ARHGEF18: variants seen among roughly 807,000 people sequenced by gnomAD.
The protein encoded by ARHGEF18 is Rho/Rac guanine nucleotide exchange factor 18.
A neutral mutation model predicts 155.7 loss-of-function variants in ARHGEF18; 93 were observed. The observed-to-expected ratio is 0.60, with a 90% CI of 0.50 to 0.71. The LOEUF (loss-of-function observed/expected upper bound fraction) is 0.71. Among genes scored for constraint, ARHGEF18 ranks in the 30% least tolerant of loss-of-function variants. The pLI is 0.00. For missense variants in ARHGEF18, 1,593 were observed against 1,816.1 expected, an observed-to-expected ratio of 0.88 and a Z score of 2.23; for synonymous variants, 742 against 753.1, an observed-to-expected ratio of 0.99 and a Z score of 0.24.
intron 5 of ARHGEF18, 89 bp downstream of exon 5, chr19:7,376,846 CT>C (rs1351805410): frequency 1.0e-6 from 1 of 959,150 alleles, no homozygotes. Flanking sequence ...GGGTTTCATC[CT>C]TCATCCTGGA....
At chr19:7,473,683 G>A (rs955824807), downstream of ARHGEF18, among the ~76,000 whole-genome samples, 14 of 151,344 alleles carry the variant, frequency 9.3e-5, no homozygotes, top group South Asian at 2.1e-4. Context: ...GGTGGCGGGC[G>A]CCTGTAGTCC....
intron 3 of ARHGEF18, among the ~76,000 whole-genome samples, chr19:7,373,273 AGCACATTCCATTTATCGT>A (rs1970281403): frequency 6.6e-6 from 1 of 152,222 alleles, no homozygotes; most frequent in Admixed American, 6.5e-5. Flanking sequence ...GGACAATTCA[AGCACATTCCATTTATCGT>A]GCACTTTATT....
At chr19:7,384,692 ATTTTT>A (rs369171603) in intron 10 of ARHGEF18, among the ~76,000 whole-genome samples, 1 of 141,548 alleles carries the variant, frequency 7.1e-6, no homozygotes, top group Non-Finnish European at 1.5e-5. Context: ...TTTTTGCAAA[ATTTTT>A]TTTTTTTTTT....
chr19:7,379,066 G>A (rs1165361411), intron 6 of ARHGEF18, 56 bp from the exon 7 acceptor site: 35 of 1,228,094 alleles, frequency 2.8e-5, no homozygotes, highest in Admixed American at 4.2e-5. Context: ...CTAGGGGAGA[G>A]TGTCTGTAAC....
At chr19:7,382,619 A>G (rs73923385) in intron 8 of ARHGEF18, among the ~76,000 whole-genome samples, 173 bp from the exon 9 acceptor site, 2,943 of 152,146 alleles carry the variant, frequency 0.019, 79 homozygotes, top group African/African-American at 0.066. Context: ...TGAGTGAATA[A>G]GTAAGACAGG....
intron 10 of ARHGEF18, among the ~76,000 whole-genome samples, chr19:7,407,064 C>CAAA (rs3997572): frequency 0.014 from 777 of 55,712 alleles, 9 homozygotes; most frequent in African/African-American, 0.025. Context: ...GACTCCGTCT[C>CAAA]AAAAAAAAAA....
chr19:7,435,625 T>C (rs764081415), intron 10 of ARHGEF18, among the ~76,000 whole-genome samples: 1 of 152,132 alleles, frequency 6.6e-6, no homozygotes, highest in Non-Finnish European at 1.5e-5. Context: ...GCAGACCCTT[T>C]ACTGTCTCTA....
chr19:7,453,053 G>T (rs1005257861), intron 16 of ARHGEF18, among the ~76,000 whole-genome samples: 2 of 151,900 alleles, frequency 1.3e-5, no homozygotes, highest in Admixed American at 1.3e-4. Flanking sequence ...AAAAAAAATA[G>T]CTGGGCATGG....
chr19:7,410,289 T>C (rs1357947201), intron 10 of ARHGEF18, among the ~76,000 whole-genome samples: 2 of 152,108 alleles, frequency 1.3e-5, no homozygotes, highest in Admixed American at 6.6e-5. Context: ...CCCCGGCCTC[T>C]CTCAGGTGTT....
rs1214103976 is a variant in ARHGEF18 at position 7,397,267 on chromosome 19, T to A, written c.967+14064T>A. Among the ~76,000 whole-genome samples, 3 of 150,824 alleles carry A rather than the reference T, an allele frequency of 2.0e-5. No homozygotes were observed. In the Admixed American group the frequency reaches 2.0e-4, roughly 10 times the overall value. ...AATTAGTATGTGATTTTACTTAAAATTTTTTTTTTCTTTTTAGAGACAGGG... is the reference window on the plus strand; with the variant it reads ...AATTAGTATGTGATTTTACTTAAAAATTTTTTTTTCTTTTTAGAGACAGGG... On this transcript the variant is annotated intron_variant, in intron 10 of 28. Coordinates refer to ENST00000668164, the MANE Select transcript of ARHGEF18 (RefSeq NM_001367823.1).
At chr19:7,372,485 AAAGAG>A (rs979180050) in intron 2 of ARHGEF18, among the ~76,000 whole-genome samples, 1 of 152,180 alleles carries the variant, frequency 6.6e-6, no homozygotes, top group Non-Finnish European at 1.5e-5. Flanking sequence ...AGAAAAAAAA[AAAGAG>A]AGAGAGATAA....
intron 5 of ARHGEF18, among the ~76,000 whole-genome samples, chr19:7,377,581 T>C (rs148208689): frequency 0.24 from 35,831 of 150,336 alleles, 4,417 homozygotes; most frequent in Non-Finnish European, 0.27. Context: ...CCCAGGAGTT[T>C]GAGGCCAGCC....
At chr19:7,375,398 G>GAAAGGAAGGAAGA (rs925202796) in intron 3 of ARHGEF18, among the ~76,000 whole-genome samples, 2 of 150,030 alleles carry the variant, frequency 1.3e-5, no homozygotes, top group Admixed American at 6.7e-5. Context: ...AAGGAAGGAA[G>GAAAGGAAGGAAGA]AAAGGAAGGA....
rs141762100 is a variant in ARHGEF18 at position 7,453,778 on chromosome 19, G to A, written c.2104+63G>A. ...TCTTGGATCAGTGGGCACTGTCTTGGAGTGGTGGGCACTGTCTTAGATTAG... is the reference window on the plus strand; with the variant it reads ...TCTTGGATCAGTGGGCACTGTCTTGAAGTGGTGGGCACTGTCTTAGATTAG... On this transcript the variant is annotated intron_variant, in intron 17 of 28. Transcript: ENST00000668164. The A allele has an allele frequency of 2.4e-5, 36 of 1,492,236 alleles. 1 individual carries two copies. In the East Asian group the frequency reaches 7.3e-4, roughly 30 times the overall value. The allele number at this position is 1,492,236 out of a possible 1,614,324, so 92.4% of individuals were successfully genotyped here.
chr19:7,464,001 A>G (rs1448034388), intron 22 of ARHGEF18, 46 bp downstream of exon 22: 2 of 1,526,650 alleles, frequency 1.3e-6, no homozygotes, highest in South Asian at 2.4e-5. Context: ...GCCGCCCCTC[A>G]GGATGCACAT....
intron 23 of ARHGEF18, among the ~76,000 whole-genome samples, 155 bp from the exon 24 acceptor site, chr19:7,466,763 C>T (rs1953313145): frequency 7.4e-6 from 1 of 135,424 alleles, no homozygotes; most frequent in African/African-American, 2.9e-5. Flanking sequence ...AAGATCGCGC[C>T]ACTGCACTCC....
chr19:7,385,870 TCCCCCCTCCCTCTCTCC>T (rs1971012200), intron 10 of ARHGEF18, among the ~76,000 whole-genome samples: 1 of 29,548 alleles, frequency 3.4e-5, no homozygotes, highest in African/African-American at 1.9e-4. Context: ...TCTCTCTCTC[TCCCCCCTCCCTCTCTCC>T]CTCCCTCCCT....
At position 7,456,395 on chromosome 19, in the gene ARHGEF18, G is replaced by T; in HGVS notation, c.2173G>T (p.Ala725Ser). The change falls in exon 18 of 29, where the codon GCT becomes TCT. Residue 725 changes from alanine (A) to serine (S), a missense_variant. Ala to Ser is a moderately conservative substitution (Grantham distance 99, BLOSUM62 1). Coordinates refer to ENST00000668164, the MANE Select transcript of ARHGEF18 (RefSeq NM_001367823.1). ...LQEKDQKYVFASVDSKPPVIS... is the reference protein window; with the variant it reads ...LQEKDQKYVFSSVDSKPPVIS... ...AGAAAAAGATCAGAAATACGTCTTT[G>T]CTTCTGTGGTATGTATCCTGTCTCT... 1.9e-6 allele frequency: 3 copies of T among 1,614,038 alleles called. No homozygotes were observed. Among genetic ancestry groups the T allele is most frequent in the African/African-American group, 1.3e-5 (1 of 75,042 alleles).
intron 13 of ARHGEF18, among the ~76,000 whole-genome samples, chr19:7,443,530 C>T (rs1432894403): frequency 6.6e-6 from 1 of 152,130 alleles, no homozygotes; most frequent in African/African-American, 2.4e-5. Context: ...GGCACCAGTC[C>T]CACCATGAGG....
Sources: allele counts gnomAD v4.1 joint callset (sites outside exome capture counted in the v4.1 genomes callset), GRCh38; gene constraint gnomAD v4.1.1; transcripts MANE v1.5; gene names NCBI Gene and HGNC (gene_info 2026-07-23, HGNC 2026-07-21).